The following TIAM1 variants were observed in gnomAD, a reference collection of about 807,000 sequenced individuals.
TIAM1 encodes the protein TIAM Rac1 associated GEF 1, also known as rho guanine nucleotide exchange factor TIAM1.
In TIAM1, 65 loss-of-function variants were observed where a neutral mutation model predicts 163.5. That is an observed-to-expected ratio of 0.40 (90% CI 0.33 to 0.49). The LOEUF is 0.49. Among genes scored for constraint, TIAM1 ranks in the 20% least tolerant of loss-of-function variants. The probability of loss-of-function intolerance (pLI) is 0.77; values close to 1 mark genes in which losing one functional copy is unlikely to be tolerated. For synonymous variants in TIAM1, 833 were observed against 810.1 expected (o/e 1.03, Z -0.48); for missense variants, 1,789 against 2,044.7 (o/e 0.87, Z 2.41).
At chr21:31,537,765 A>AG (rs1194228502) in intron 1 of TIAM1, among the ~76,000 whole-genome samples, 4 of 152,084 alleles carry the variant, frequency 2.6e-5, no homozygotes, top group Admixed American at 2.6e-4. Flanking sequence ...GAAAAAAAAA[A>AG]AGAGAGAAAA....
At chr21:31,527,397 A>G (rs1250096437) in intron 1 of TIAM1, among the ~76,000 whole-genome samples, 1 of 152,210 alleles carries the variant, frequency 6.6e-6, no homozygotes, top group African/African-American at 2.4e-5. Context: ...TTTGCAGGAA[A>G]GTTCTAAAAA....
chr21:31,496,888 A>G (rs11702245), intron 1 of TIAM1, among the ~76,000 whole-genome samples: 92,787 of 151,944 alleles, frequency 0.61, 28,788 homozygotes, highest in East Asian at 0.85. Flanking sequence ...ATGGTTTCAG[A>G]ATGAAGCTGC....
At chr21:31,439,905 C>A (rs1236748540) in intron 2 of TIAM1, among the ~76,000 whole-genome samples, 2 of 152,152 alleles carry the variant, frequency 1.3e-5, no homozygotes, top group African/African-American at 4.8e-5. Context: ...AATATAACAG[C>A]TAGTGTAGAA....
At chr21:31,309,367 A>C (rs2074837811) in intron 2 of TIAM1, among the ~76,000 whole-genome samples, 1 of 152,220 alleles carries the variant, frequency 6.6e-6, no homozygotes, top group South Asian at 2.1e-4. Context: ...CTGAGGCAGG[A>C]GAATCACTTG....
intron 6 of TIAM1, among the ~76,000 whole-genome samples, chr21:31,234,134 C>T (rs1426029206): frequency 6.6e-6 from 1 of 152,050 alleles, no homozygotes. Context: ...GCATGAAAGG[C>T]AGAGACTAAA....
chr21:31,288,003 G>A (rs1212639764), intron 2 of TIAM1, among the ~76,000 whole-genome samples: 1 of 152,078 alleles, frequency 6.6e-6, no homozygotes, highest in Non-Finnish European at 1.5e-5. Flanking sequence ...ATCCTTTGAG[G>A]AAAGAAGGAG....
intron 3 of TIAM1, among the ~76,000 whole-genome samples, chr21:31,272,945 T>C (rs2073128101): frequency 6.6e-6 from 1 of 152,114 alleles, no homozygotes; most frequent in African/African-American, 2.4e-5. Context: ...AGCTTCTGTC[T>C]TAATAAACTA....
At chr21:31,456,320 C>G (rs762813404) in intron 2 of TIAM1, among the ~76,000 whole-genome samples, 7 of 152,182 alleles carry the variant, frequency 4.6e-5, no homozygotes, top group Non-Finnish European at 8.8e-5. Context: ...TGCAGGGACA[C>G]TGTGGCACAG....
chr21:31,392,104 T>G (rs973594505), intron 2 of TIAM1, among the ~76,000 whole-genome samples: 3 of 152,228 alleles, frequency 2.0e-5, no homozygotes, highest in African/African-American at 7.2e-5. Flanking sequence ...AGCTAGGATG[T>G]TCGGTAGATT....
At chr21:31,414,709 A>G (rs2043314193) in intron 2 of TIAM1, among the ~76,000 whole-genome samples, 1 of 152,244 alleles carries the variant, frequency 6.6e-6, no homozygotes, top group African/African-American at 2.4e-5. Flanking sequence ...GAACCATAGA[A>G]AAAAGAAATT....
chr21:31,482,217 T>A (rs767608942), intron 1 of TIAM1, among the ~76,000 whole-genome samples: 1 of 151,948 alleles, frequency 6.6e-6, no homozygotes, highest in Non-Finnish European at 1.5e-5. Flanking sequence ...AGCGGCGCAA[T>A]CTCGGCTCAC....
intron 2 of TIAM1, among the ~76,000 whole-genome samples, chr21:31,430,239 T>TACACAC (rs2043970105): frequency 1.5e-5 from 2 of 132,744 alleles, no homozygotes; most frequent in African/African-American, 6.4e-5. Context: ...TATATATATA[T>TACACAC]ATATATATAC....
chr21:31,397,643 C>T (rs2077095826), intron 2 of TIAM1, among the ~76,000 whole-genome samples: 1 of 152,180 alleles, frequency 6.6e-6, no homozygotes, highest in African/African-American at 2.4e-5. Flanking sequence ...TTATGGCCAT[C>T]CTTCCTGGCT....
intron 1 of TIAM1, among the ~76,000 whole-genome samples, chr21:31,468,849 C>T (rs1423489230): frequency 2.0e-5 from 3 of 152,006 alleles, no homozygotes; most frequent in Non-Finnish European, 2.9e-5. Context: ...TCCTCTTTTT[C>T]CTCTGGGATC....
intron 2 of TIAM1, among the ~76,000 whole-genome samples, chr21:31,317,583 T>C (rs1397650499): frequency 1.3e-5 from 2 of 152,200 alleles, no homozygotes; most frequent in Non-Finnish European, 2.9e-5. Flanking sequence ...AGTTTGAGAC[T>C]ACCCTGGCCA....
intron 2 of TIAM1, among the ~76,000 whole-genome samples, chr21:31,353,828 T>G: frequency 8.1e-6 from 1 of 123,402 alleles, no homozygotes; most frequent in African/African-American, 3.0e-5. Flanking sequence ...TTTATTTATT[T>G]ATTTATCTTT....
intron 25 of TIAM1, 68 bp downstream of exon 25, chr21:31,130,145 T>C: frequency 7.4e-7 from 1 of 1,356,966 alleles, no homozygotes; most frequent in Non-Finnish European, 1.0e-6. Context: ...GAGTGTGGAT[T>C]CAAACAAATA....
chr21:31,287,293 G>A (rs772601761), intron 2 of TIAM1, among the ~76,000 whole-genome samples: 1 of 152,190 alleles, frequency 6.6e-6, no homozygotes, highest in Non-Finnish European at 1.5e-5. Context: ...GGGTAAGACA[G>A]AGTATCTATG....
chr21:31,388,881 C>T (rs1034015414), intron 2 of TIAM1, among the ~76,000 whole-genome samples: 2 of 152,188 alleles, frequency 1.3e-5, no homozygotes, highest in African/African-American at 4.8e-5. Flanking sequence ...AAGGTAAAAG[C>T]AAGAAGACAA....
Sources: allele counts gnomAD v4.1 joint callset (sites outside exome capture counted in the v4.1 genomes callset), GRCh38; gene constraint gnomAD v4.1.1; transcripts MANE v1.5; gene names NCBI Gene and HGNC (gene_info 2026-07-23, HGNC 2026-07-21).